The following TMEM44 variants were observed in gnomAD, a reference collection of about 807,000 sequenced individuals.
TMEM44 encodes the protein transmembrane protein 44.
Under a neutral mutation model 47.8 loss-of-function variants are expected in TMEM44, and 43 were observed. The observed-to-expected ratio is 0.90, with a 90% CI of 0.70 to 1.16. The LOEUF is 1.16. Ranked by LOEUF, TMEM44 falls within the 50% of genes most tolerant of loss-of-function variation. The probability of loss-of-function intolerance (pLI) is 0.00; values close to 1 mark genes in which losing one functional copy is unlikely to be tolerated. For missense variants in TMEM44, 568 were observed against 555.2 expected (o/e 1.02, Z -0.23); for synonymous variants, 277 against 238.8 (o/e 1.16, Z -1.48).
intron 9 of TMEM44, among the ~76,000 whole-genome samples, chr3:194,598,336 G>A (rs1039337154): frequency 1.3e-5 from 2 of 152,128 alleles, no homozygotes; most frequent in East Asian, 1.9e-4. Context: ...CAGAGGGTCC[G>A]TTTTCTCGTC....
Position 194,611,306 on chromosome 3 carries a change from T to C in TMEM44, c.913-286A>G, listed in dbSNP as rs9832038. On this transcript the variant is annotated intron_variant, in intron 7 of 9. Transcript: ENST00000347147. The surrounding 1 kb of genome is among the most constrained non-coding windows in gnomAD (Gnocchi z 4.2). Reference sequence around the variant, plus strand: ...GACCAGTTTCACTGTACTGACCAGGTTGGTCTCAAAGTCCTGGGCTCAAGT... The same window carrying C: ...GACCAGTTTCACTGTACTGACCAGGCTGGTCTCAAAGTCCTGGGCTCAAGT... Among the ~76,000 whole-genome samples, 58,838 of 151,938 alleles carry C rather than the reference T, an allele frequency of 0.39. 12,149 individuals are homozygous for C. The highest frequency in any genetic ancestry group is 0.78 in the East Asian group (4,020 of 5,150).
chr3:194,622,395 G>A (rs758182578), intron 5 of TMEM44, among the ~76,000 whole-genome samples: 19 of 152,118 alleles, frequency 1.2e-4, no homozygotes, highest in Non-Finnish European at 2.1e-4. Context: ...GAAGCGTGAG[G>A]AGATGCTGCT....
intron 1 of TMEM44, 136 bp downstream of exon 1, chr3:194,632,943 G>A: frequency 7.9e-7 from 1 of 1,264,082 alleles, no homozygotes; most frequent in Admixed American, 2.3e-5. Flanking sequence ...ACAGAGCAAT[G>A]TTCCATTGGA....
intron 9 of TMEM44, among the ~76,000 whole-genome samples, chr3:194,599,356 AG>A (rs1375920179): frequency 6.6e-6 from 1 of 152,106 alleles, no homozygotes; most frequent in Non-Finnish European, 1.5e-5. Flanking sequence ...AGCCAGGCGA[AG>A]TGTGGTGACA....
rs375546780 is a variant in TMEM44 at position 194,603,929 on chromosome 3, C to T, written c.1176+358G>A. ...AGTGCAATGGCGCAATCTCGGCTCA[C>T]TGCAACCTCTGCCTCCCAGGTTCAA... On this transcript the variant is annotated intron_variant, in intron 9 of 9. Transcript: ENST00000347147. Among the ~76,000 whole-genome samples, 90 of 152,210 alleles carry T rather than the reference C, an allele frequency of 5.9e-4. 2 individuals carry two copies. In the South Asian group the frequency reaches 0.018, roughly 31 times the overall value.
chr3:194,604,519 C>A, intron 8 of TMEM44, 74 bp from the exon 9 acceptor site: 2 of 1,445,902 alleles, frequency 1.4e-6, no homozygotes, highest in African/African-American at 2.9e-5. Context: ...AAAGCATTCA[C>A]ATACTTCAGT....
At chr3:194,617,853 G>T in intron 5 of TMEM44, 1 of 652,052 alleles carries the variant, frequency 1.5e-6, no homozygotes, top group South Asian at 1.7e-5. Flanking sequence ...CTGTCCTCAC[G>T]ACAGTGAGTG....
chr3:194,631,431 G>C (rs1284475366), intron 1 of TMEM44, among the ~76,000 whole-genome samples: 1 of 152,122 alleles, frequency 6.6e-6, no homozygotes, highest in South Asian at 2.1e-4. Context: ...TGGTGGATGA[G>C]TACAGAGGGC....
intron 2 of TMEM44, among the ~76,000 whole-genome samples, 180 bp from the exon 3 acceptor site, chr3:194,626,170 TGAG>T (rs1365873201): frequency 2.0e-5 from 3 of 152,138 alleles, no homozygotes; most frequent in Non-Finnish European, 2.9e-5. Context: ...ACTTGGCTGA[TGAG>T]GAGATGAGGT....
intron 9 of TMEM44, among the ~76,000 whole-genome samples, chr3:194,597,671 AAG>A (rs1713590461): frequency 6.6e-6 from 1 of 151,896 alleles, no homozygotes; most frequent in South Asian, 2.1e-4. Flanking sequence ...AAAAAGAAAA[AAG>A]AAAAAAAAAT....
At chr3:194,624,395 C>G (rs1422810352) in intron 3 of TMEM44, among the ~76,000 whole-genome samples, 1 of 152,124 alleles carries the variant, frequency 6.6e-6, no homozygotes, top group African/African-American at 2.4e-5. Context: ...GCATGCTTCA[C>G]TACACACTGC....
At position 194,608,723 on chromosome 3, in the gene TMEM44, A is replaced by G. The variant is rs544900787; in HGVS notation, c.1017+2193T>C. 7.2e-4 allele frequency among the ~76,000 whole-genome samples: 110 copies of G among 152,292 alleles called. 1 individual carries two copies. The South Asian group carries it at 0.02, about 28-fold the overall frequency. On this transcript the variant is annotated intron_variant, in intron 8 of 9. Transcript: ENST00000347147. ...GCAGCTAGACAGGAGTGAACAGGAG[A>G]CGAGAGATGGGGTCTCGCTATGTGG...
At chr3:194,609,979 A>C (rs1490154006) in intron 8 of TMEM44, among the ~76,000 whole-genome samples, 3 of 152,164 alleles carry the variant, frequency 2.0e-5, no homozygotes, top group African/African-American at 7.2e-5. Context: ...CTGTAGTCCC[A>C]GCACTTTGGG....
intron 1 of TMEM44, among the ~76,000 whole-genome samples, chr3:194,631,138 T>A (rs1403022539): frequency 1.4e-5 from 2 of 142,868 alleles, no homozygotes; most frequent in Non-Finnish European, 3.1e-5. Flanking sequence ...CTGAAATACG[T>A]TGTCATACCT....
chr3:194,622,000 C>T (rs889505955), intron 5 of TMEM44, among the ~76,000 whole-genome samples: 3 of 152,236 alleles, frequency 2.0e-5, no homozygotes, highest in Non-Finnish European at 2.9e-5. Context: ...GCATGAGCCA[C>T]CGCACCCAGC....
chr3:194,628,362 T>C (rs537196947), intron 2 of TMEM44, 21 bp downstream of exon 2: 1 of 1,605,056 alleles, frequency 6.2e-7, no homozygotes, highest in East Asian at 2.2e-5. Flanking sequence ...TAAGCCACTG[T>C]CAGCTGGAGG....
chr3:194,592,903 G>A (rs7373172), intron 9 of TMEM44: 283,535 of 1,048,830 alleles, frequency 0.27, 40,828 homozygotes, highest in East Asian at 0.53. Flanking sequence ...GTGAGCCACC[G>A]CGCCTGGCCT....
At chr3:194,625,669 CAG>C (rs1372213717) in intron 3 of TMEM44, among the ~76,000 whole-genome samples, 1 of 152,140 alleles carries the variant, frequency 6.6e-6, no homozygotes, top group African/African-American at 2.4e-5. Flanking sequence ...TCAGTAGAGA[CAG>C]GGGTTTCACC....
chr3:194,605,435 A>T (rs570326244), intron 8 of TMEM44, among the ~76,000 whole-genome samples: 8 of 152,356 alleles, frequency 5.3e-5, no homozygotes, highest in African/African-American at 1.7e-4. Context: ...GAAGAAGAAG[A>T]GGTTTAATGG....
Sources: allele counts gnomAD v4.1 joint callset (sites outside exome capture counted in the v4.1 genomes callset), GRCh38; gene constraint gnomAD v4.1.1; non-coding constraint Gnocchi (gnomAD v3.1); transcripts MANE v1.5; gene names NCBI Gene and HGNC (gene_info 2026-07-23, HGNC 2026-07-21).